The following F11 variants were observed in gnomAD, a reference collection of about 807,000 sequenced individuals.
F11 encodes the protein coagualtion factor XI.
A neutral mutation model predicts 76.5 loss-of-function variants in F11; 78 were observed. The observed-to-expected ratio is 1.02, with a 90% CI of 0.85 to 1.23. F11 has a LOEUF of 1.23. Ranked by LOEUF, F11 falls within the 50% of genes most tolerant of loss-of-function variation. The pLI is 0.00. For synonymous variants in F11, 278 were observed against 276.3 expected (o/e 1.01, Z -0.06); for missense variants, 742 against 771.4 (o/e 0.96, Z 0.45).
At chr4:186,274,054 GTTGCTTAGGTCATTGCCCCTAGAA>G in intron 4 of F11, 38 bp from the exon 5 acceptor site, 1 of 1,589,544 alleles carries the variant, frequency 6.3e-7, no homozygotes, top group East Asian at 2.2e-5. Context: ...AGGAGGGACA[GTTGCTTAGGTCATTGCCCCTAGAA>G]TCTGGAAGGT....
At chr4:186,269,981 G>A in intron 2 of F11, among the ~76,000 whole-genome samples, 1 of 152,050 alleles carries the variant, frequency 6.6e-6, no homozygotes, top group East Asian at 1.9e-4. Context: ...CTTTCCCAAG[G>A]GATTGAGAAT....
At chr4:186,272,187 CT>C (rs1317106298) in intron 3 of F11, among the ~76,000 whole-genome samples, 8 of 152,164 alleles carry the variant, frequency 5.3e-5, no homozygotes, top group East Asian at 1.9e-4. Flanking sequence ...AGTGATCCCC[CT>C]GCCACCACCA....
intron 5 of F11, among the ~76,000 whole-genome samples, chr4:186,275,473 C>T (rs545144046): frequency 1.5e-4 from 22 of 151,320 alleles, no homozygotes; most frequent in African/African-American, 5.3e-4. Context: ...CCAACCTGGG[C>T]AACAGAGTGA....
In F11 at chr4:186,275,820, G is replaced by A; in HGVS notation, c.519G>A (p.Gly173=). 1 of 1,613,560 alleles carries A rather than the reference G, an allele frequency of 6.2e-7. No homozygotes were observed. The highest frequency in any genetic ancestry group is 8.5e-7 in the Non-Finnish European group (1 of 1,179,740). The change falls in exon 6 of 15, where the codon GGG becomes GGA. Residue 173 remains glycine (G), a synonymous_variant. Coordinates refer to ENST00000403665, the MANE Select transcript of F11 (RefSeq NM_000128.4). The part of the protein sequence containing the change: ...NICLLKHTQT[G]TPTRITKLDK... ...GTCTACTGAAGCACACCCAAACAGGGACACCAACCAGAATAACGAAGCTCG... is the reference window on the plus strand; with the variant it reads ...GTCTACTGAAGCACACCCAAACAGGAACACCAACCAGAATAACGAAGCTCG...
At position 186,288,463 on chromosome 4, in the gene F11, G is replaced by A. The variant is rs149873248; in HGVS notation, c.1727G>A (p.Gly576Glu). Reference sequence around the variant, plus strand: ...CTCCCCTCGTTCTAGGGAGATTCGGGAGGCCCTCTGTCCTGCAAACACAAT... The same window carrying A: ...CTCCCCTCGTTCTAGGGAGATTCGGAAGGCCCTCTGTCCTGCAAACACAAT... ...GGKDACKGDS[G>E]GPLSCKHNEV... Residue 576 changes from glycine to glutamate, a missense_variant, in exon 15 of 15, where the codon GGA (glycine) becomes GAA (glutamate). Physicochemically the swap from Gly to Glu is moderately conservative, Grantham distance 98. Transcript: ENST00000403665. 1.9e-6 allele frequency: 3 copies of A among 1,613,990 alleles called. No homozygotes were observed. The highest frequency in any genetic ancestry group is 4.5e-5 in the East Asian group (2 of 44,886).
intron 6 of F11, 117 bp downstream of exon 6, chr4:186,276,013 C>G: frequency 1.0e-6 from 1 of 971,560 alleles, no homozygotes; most frequent in Admixed American, 2.0e-5. Flanking sequence ...AGATCTTTAC[C>G]TTCTTCATGT....
chr4:186,285,985 G>A, intron 12 of F11, 172 bp downstream of exon 12: 1 of 752,188 alleles, frequency 1.3e-6, no homozygotes. Context: ...CACTTTCCTG[G>A]CTATTGAAAC....
rs372222447 is a variant in F11 at position 186,282,184 on chromosome 4, A to G, written c.1135+1604A>G. On this transcript the variant is annotated intron_variant, in intron 10 of 14. Transcript: ENST00000403665. ...GGAATGAGCACGTATACCTCAATAC[A>G]TTGCAGACTGCATTTTCCCCCTTCC... 231 of 1,071,068 alleles carry G rather than the reference A, an allele frequency of 2.2e-4. No individual in the cohort carries two copies. The African/African-American group carries it at 3.3e-3, about 15-fold the overall frequency. The allele number at this position is 1,071,068 out of a possible 1,614,324, so 66.3% of individuals were successfully genotyped here.
chr4:186,277,258 T>A (rs967460082), intron 7 of F11, among the ~76,000 whole-genome samples: 1 of 152,222 alleles, frequency 6.6e-6, no homozygotes, highest in African/African-American at 2.4e-5. Flanking sequence ...TATGGCTAAG[T>A]AACATTCTAT....
chr4:186,281,931 C>T, intron 10 of F11: 2 of 1,279,870 alleles, frequency 1.6e-6, no homozygotes, highest in Non-Finnish European at 2.1e-6. Flanking sequence ...CTATGCCTTC[C>T]TAGAGCTTAG....
chr4:186,273,982 G>T (rs1475348608), intron 4 of F11, 134 bp from the exon 5 acceptor site: 2 of 882,290 alleles, frequency 2.3e-6, no homozygotes, highest in Admixed American at 3.9e-5. Flanking sequence ...TAAGAATTTT[G>T]CAGATTAATA....
rs200594686 is a variant in F11 at position 186,284,257 on chromosome 4, A to G, written c.1301A>G (p.Tyr434Cys). ...QWILTAAHCF[Y>C]GVESPKILRV... ...ATATTAACAGCCGCTCACTGTTTCT[A>G]TGGGTCAGTACCACGGCTGTTTTTA... is the stretch of plus-strand genomic sequence containing the variant. The change falls in exon 11 of 15, where the codon TAT becomes TGT. Residue 434 changes from tyrosine to cysteine, a missense_variant. Coordinates refer to ENST00000403665, the MANE Select transcript of F11 (RefSeq NM_000128.4). The G allele has an allele frequency of 1.9e-6, 3 of 1,613,242 alleles. No homozygotes were observed. Among genetic ancestry groups the G allele is most frequent in the Admixed American group, 1.7e-5 (1 of 60,006 alleles).
chr4:186,285,884 T>C (rs1486552677), intron 12 of F11, 71 bp downstream of exon 12: 22 of 1,520,984 alleles, frequency 1.4e-5, no homozygotes, highest in Non-Finnish European at 1.9e-5. Context: ...CTACTAGACT[T>C]ACGGCCTGAC....
intron 2 of F11, among the ~76,000 whole-genome samples, chr4:186,270,698 G>C (rs1739882850): frequency 6.6e-6 from 1 of 151,974 alleles, no homozygotes; most frequent in Non-Finnish European, 1.5e-5. Flanking sequence ...GTGCACATGA[G>C]AGAGAGTGAG....
rs768650116 is a variant in F11 at position 186,274,210 on chromosome 4, C to T, written c.420C>T (p.Cys140=). The part of the protein sequence containing the change: ...AKSAQECQER[C]TDDVHCHFFT... ...GTGCTCAAGAATGCCAAGAAAGATG[C>T]ACGGATGACGTCCACTGCCACTTTT... The change falls in exon 5 of 15, where the codon TGC becomes TGT. Residue 140 remains cysteine (C), a synonymous_variant. Transcript: ENST00000403665. 11 of 1,614,080 alleles carry T rather than the reference C, an allele frequency of 6.8e-6. No homozygotes were observed. The highest frequency in any genetic ancestry group is 1.7e-5 in the Admixed American group (1 of 59,996).
In F11 at chr4:186,284,213, C is replaced by T. The variant is rs1033649903; in HGVS notation, c.1257C>T (p.Ser419=). ...CTCAGAGACACCTGTGTGGAGGCTC[C>T]ATCATTGGAAACCAGTGGATATTAA... ...SPTQRHLCGG[S]IIGNQWILTA... Residue 419 remains serine (S), a synonymous_variant, in exon 11 of 15, where the codon TCC becomes TCT. Coordinates refer to ENST00000403665, the MANE Select transcript of F11 (RefSeq NM_000128.4). 2 of 1,614,114 alleles carry T rather than the reference C, an allele frequency of 1.2e-6. No individual in the cohort carries two copies. Among genetic ancestry groups the T allele is most frequent in the African/African-American group, 2.7e-5 (2 of 74,940 alleles).
chr4:186,268,991 G>C (rs1739714337), intron 2 of F11, among the ~76,000 whole-genome samples: 1 of 152,170 alleles, frequency 6.6e-6, no homozygotes, highest in South Asian at 2.1e-4. Flanking sequence ...CCCCTTTCTA[G>C]CCCATTTTAT....
chr4:186,280,624 T>A, intron 10 of F11, 44 bp downstream of exon 10: 1 of 1,382,066 alleles, frequency 7.2e-7, no homozygotes, highest in Non-Finnish European at 1.0e-6. Flanking sequence ...AAGGAATTAT[T>A]CCATGCTTCA....
chr4:186,273,099 A>G lies in F11; in HGVS notation c.247A>G (p.Thr83Ala). The G allele has an allele frequency of 6.2e-7, 1 of 1,613,180 alleles. No homozygotes were observed. Among genetic ancestry groups the G allele is most frequent in the Non-Finnish European group, 8.5e-7 (1 of 1,179,148 alleles). ...TACTTGTGTCCTGAAAGACAGTGTTACAGAAACACTGCCAAGAGTGAATAG... is the reference window on the plus strand; with the variant it reads ...TACTTGTGTCCTGAAAGACAGTGTTGCAGAAACACTGCCAAGAGTGAATAG... The part of the protein sequence containing the change: ...WFTCVLKDSV[T>A]ETLPRVNRTA... Residue 83 changes from threonine to alanine, a missense_variant, in exon 4 of 15, where the codon ACA becomes GCA. Coordinates refer to ENST00000403665, the MANE Select transcript of F11 (RefSeq NM_000128.4).
Sources: allele counts gnomAD v4.1 joint callset (sites outside exome capture counted in the v4.1 genomes callset), GRCh38; gene constraint gnomAD v4.1.1; transcripts MANE v1.5; gene names NCBI Gene and HGNC (gene_info 2026-07-23, HGNC 2026-07-21).